The following FBXW11 variants were observed in gnomAD, a reference collection of about 807,000 sequenced individuals.
FBXW11 encodes the protein F-box and WD repeat domain containing 11, also known as F-box/WD repeat-containing protein 11.
In FBXW11, 19 loss-of-function variants were observed where a neutral mutation model predicts 77.6. The ratio of observed to expected loss-of-function variants is 0.24; its 90% confidence interval spans 0.17 to 0.36. FBXW11 has a LOEUF of 0.36. Ranked by LOEUF, FBXW11 falls within the 10% of genes least tolerant of loss-of-function variation. The pLI, the probability that FBXW11 is intolerant of heterozygous loss-of-function variation, is 1.00. For synonymous variants in FBXW11, 235 were observed against 249.4 expected, an observed-to-expected ratio of 0.94 and a Z score of 0.54; for missense variants, 334 against 704.2, an observed-to-expected ratio of 0.47 and a Z score of 5.95.
chr5:171,998,613 A>G lies in FBXW11; in HGVS notation c.45+7845T>C, dbSNP rs561993206. Among the ~76,000 whole-genome samples, 4 of 151,556 alleles carry G rather than the reference A, an allele frequency of 2.6e-5. No homozygotes were observed. In the South Asian group the frequency reaches 6.3e-4, roughly 24 times the overall value. On this transcript the variant is annotated intron_variant, in intron 1 of 13. Coordinates refer to ENST00000517395, the MANE Select transcript of FBXW11 (RefSeq NM_001378974.1). ...GGAGTGTGAGGCCAGCCTGACCAAC[A>G]TGGTGAAACCCCATCTCTACTAAAA...
At chr5:171,923,276 A>G (rs902510319) in intron 2 of FBXW11, among the ~76,000 whole-genome samples, 2 of 152,176 alleles carry the variant, frequency 1.3e-5, no homozygotes, top group Non-Finnish European at 2.9e-5. Context: ...TAGAAATTCT[A>G]TATATATTCT....
chr5:171,887,633 C>T (rs535013190), intron 7 of FBXW11, among the ~76,000 whole-genome samples: 1 of 151,766 alleles, frequency 6.6e-6, no homozygotes, highest in Non-Finnish European at 1.5e-5. Context: ...GTGAATTTGC[C>T]ATTATTTTTC....
intron 2 of FBXW11, among the ~76,000 whole-genome samples, chr5:171,950,335 A>C (rs1017714847): frequency 1.3e-5 from 2 of 152,072 alleles, no homozygotes; most frequent in Admixed American, 1.3e-4. Context: ...GTTCACTTTA[A>C]GATAAATCAC....
intron 1 of FBXW11, among the ~76,000 whole-genome samples, chr5:171,982,964 G>C (rs1471605312): frequency 2.0e-5 from 3 of 152,156 alleles, no homozygotes; most frequent in Non-Finnish European, 2.9e-5. Flanking sequence ...CACTTTGGGA[G>C]GCCAAGGCAG....
At chr5:171,974,005 T>C (rs1207867436) in intron 1 of FBXW11, among the ~76,000 whole-genome samples, 3 of 152,312 alleles carry the variant, frequency 2.0e-5, no homozygotes, top group Non-Finnish European at 4.4e-5. Context: ...CAGAAATTCA[T>C]GGATAGATGG....
At chr5:171,918,414 A>C (rs965992726) in intron 2 of FBXW11, among the ~76,000 whole-genome samples, 1 of 152,186 alleles carries the variant, frequency 6.6e-6, no homozygotes, top group African/African-American at 2.4e-5. Flanking sequence ...GGTAAGAAAA[A>C]ACAATGAGCT....
At chr5:171,899,535 A>G (rs540885801) in intron 5 of FBXW11, among the ~76,000 whole-genome samples, 4 of 152,280 alleles carry the variant, frequency 2.6e-5, no homozygotes, top group African/African-American at 9.6e-5. Context: ...GAAAAATCCT[A>G]TCACTGTTAT....
chr5:171,925,955 G>C (rs1170080962), intron 2 of FBXW11, among the ~76,000 whole-genome samples: 1 of 152,156 alleles, frequency 6.6e-6, no homozygotes, highest in East Asian at 1.9e-4. Context: ...ACTATTTTAA[G>C]TGGGAAAAAA....
intron 2 of FBXW11, among the ~76,000 whole-genome samples, chr5:171,931,735 C>T (rs1315060886): frequency 6.6e-6 from 1 of 152,000 alleles, no homozygotes; most frequent in African/African-American, 2.4e-5. Context: ...GCCACAAACT[C>T]AGAGAAAATA....
At chr5:171,969,930 C>A (rs1216482576) in intron 1 of FBXW11, among the ~76,000 whole-genome samples, 1 of 152,180 alleles carries the variant, frequency 6.6e-6, no homozygotes, top group East Asian at 1.9e-4. Context: ...GTCTCAAACT[C>A]CTGGCCTCCA....
chr5:171,871,201 C>G (rs534122904), intron 10 of FBXW11, among the ~76,000 whole-genome samples: 51 of 152,278 alleles, frequency 3.3e-4, no homozygotes, highest in Non-Finnish European at 6.5e-4. Context: ...CTCTTGATGT[C>G]TGAGTTGATA....
intron 7 of FBXW11, among the ~76,000 whole-genome samples, chr5:171,890,725 A>G (rs1759292326): frequency 6.6e-6 from 1 of 152,146 alleles, no homozygotes; most frequent in South Asian, 2.1e-4. Context: ...CAACACAAAC[A>G]TCCTTCAACA....
chr5:171,937,335 T>A (rs918467456), intron 2 of FBXW11, among the ~76,000 whole-genome samples: 11 of 152,186 alleles, frequency 7.2e-5, no homozygotes, highest in African/African-American at 2.7e-4. Flanking sequence ...AAAAGCAAGA[T>A]ACTTTCATAG....
chr5:171,948,319 C>T (rs1352376656), intron 2 of FBXW11, among the ~76,000 whole-genome samples: 1 of 150,288 alleles, frequency 6.7e-6, no homozygotes, highest in South Asian at 2.1e-4. Context: ...GATAGATAAG[C>T]ATATCTATAT....
At chr5:171,920,359 C>A (rs1761521113) in intron 2 of FBXW11, among the ~76,000 whole-genome samples, 1 of 148,488 alleles carries the variant, frequency 6.7e-6, no homozygotes, top group South Asian at 2.2e-4. Flanking sequence ...GCCAACTGAT[C>A]ACAGATATGT....
intron 1 of FBXW11, among the ~76,000 whole-genome samples, chr5:171,969,052 G>A (rs1413919706): frequency 6.6e-6 from 1 of 152,068 alleles, no homozygotes; most frequent in Non-Finnish European, 1.5e-5. Flanking sequence ...GATGGATCAC[G>A]AGGTCAGGAG....
chr5:171,871,212 A>T (rs921252255), intron 10 of FBXW11, among the ~76,000 whole-genome samples: 4 of 152,268 alleles, frequency 2.6e-5, no homozygotes, highest in African/African-American at 9.6e-5. Context: ...TGAGTTGATA[A>T]AAACCATGTA....
chr5:171,931,930 A>G (rs1322233049), intron 2 of FBXW11, among the ~76,000 whole-genome samples: 1 of 146,266 alleles, frequency 6.8e-6, no homozygotes, highest in Non-Finnish European at 1.5e-5. Flanking sequence ...AATGCAGTGC[A>G]GTGATGCAAT....
intron 10 of FBXW11, among the ~76,000 whole-genome samples, chr5:171,871,883 G>T (rs1008785030): frequency 6.6e-6 from 1 of 152,150 alleles, no homozygotes; most frequent in Non-Finnish European, 1.5e-5. Context: ...CTATAAGCTG[G>T]AGAGTAATAC....
Sources: gnomAD v4.1 joint callset for allele counts (sites outside exome capture counted in the v4.1 genomes callset) on GRCh38, gnomAD v4.1.1 for gene constraint, MANE v1.5 for transcripts, NCBI Gene and HGNC (gene_info 2026-07-23, HGNC 2026-07-21) for gene names.